The following IGF2R variants were observed in gnomAD, a reference collection of about 807,000 sequenced individuals.
IGF2R encodes the protein insulin like growth factor 2 receptor.
A neutral mutation model predicts 270.6 loss-of-function variants in IGF2R; 91 were observed. The observed-to-expected ratio is 0.34, with a 90% CI of 0.28 to 0.40. The LOEUF is 0.40. IGF2R is among the 10% of genes least tolerant of loss of function. IGF2R has a pLI of 1.00. For missense variants in IGF2R, 2,805 were observed against 3,188.3 expected, an observed-to-expected ratio of 0.88 and a Z score of 2.90; for synonymous variants, 1,316 against 1,258.9, an observed-to-expected ratio of 1.05 and a Z score of -0.96.
chr6:160,041,983 T>G (rs1461707954), intron 11 of IGF2R, among the ~76,000 whole-genome samples: 1 of 146,118 alleles, frequency 6.8e-6, no homozygotes. Context: ...TGCTGTTAGA[T>G]TCCTTAAGTT....
intron 7 of IGF2R, among the ~76,000 whole-genome samples, chr6:160,030,182 G>A (rs145748448): frequency 1.2e-3 from 176 of 152,280 alleles, no homozygotes; most frequent in African/African-American, 3.9e-3. Context: ...TAAACTCTTC[G>A]AGTGTGGCTG....
chr6:160,078,535 G>A (rs1778904839), intron 37 of IGF2R, among the ~76,000 whole-genome samples, 173 bp downstream of exon 37: 2 of 152,214 alleles, frequency 1.3e-5, no homozygotes, highest in South Asian at 4.1e-4. Context: ...GAAGGTTCTT[G>A]GATTGCGTGG....
chr6:159,976,801 G>T (rs1474305242), intron 1 of IGF2R, among the ~76,000 whole-genome samples: 1 of 151,936 alleles, frequency 6.6e-6, no homozygotes, highest in African/African-American at 2.4e-5. Flanking sequence ...TCCATTGTGC[G>T]GGTAAATGTG....
Position 160,045,781 on chromosome 6 carries a change from G to A in IGF2R, c.1802G>A (p.Gly601Glu), listed in dbSNP as rs1256911159. The A allele has an allele frequency of 6.2e-7, 1 of 1,613,960 alleles. No homozygotes were observed. Among genetic ancestry groups the A allele is most frequent in the African/African-American group, 1.3e-5 (1 of 74,888 alleles). The change falls in exon 14 of 48, where the codon GGG becomes GAG. Residue 601 changes from glycine to glutamate, a missense_variant. Transcript: ENST00000356956. ...LESAPVLRTS[G>E]EGGCFYEFEW... ...AGTGCACCAGTGTTGAGAACTTCTG[G>A]GGAAGGCGGTTGCTTTTATGAGTTT...
intron 35 of IGF2R, among the ~76,000 whole-genome samples, chr6:160,075,518 C>T (rs1778838540): frequency 6.6e-6 from 1 of 152,188 alleles, no homozygotes; most frequent in African/African-American, 2.4e-5. Context: ...GGGCTTCCCT[C>T]ATCAGCTGAT....
At chr6:160,103,070 G>A (rs767095492) in intron 46 of IGF2R, among the ~76,000 whole-genome samples, 7 of 152,164 alleles carry the variant, frequency 4.6e-5, no homozygotes, top group South Asian at 2.1e-4. Context: ...ATCCTTTTGC[G>A]CCACTTTGCT....
At chr6:159,969,847 C>A (rs1393279410) in intron 1 of IGF2R, among the ~76,000 whole-genome samples, 1 of 152,000 alleles carries the variant, frequency 6.6e-6, no homozygotes, top group Non-Finnish European at 1.5e-5. Flanking sequence ...CTCACCGGGG[C>A]GTTGGAGCCC....
rs374947035 is a variant in IGF2R at position 160,018,262 on chromosome 6, A to T, written c.514-6310A>T. Among the ~76,000 whole-genome samples, 24 of 152,298 alleles carry T rather than the reference A, an allele frequency of 1.6e-4. 2 individuals carry two copies. Among genetic ancestry groups the T allele is most frequent in the African/African-American group, 5.8e-4 (24 of 41,552 alleles). On this transcript the variant is annotated intron_variant, in intron 4 of 47. Coordinates refer to ENST00000356956, the MANE Select transcript of IGF2R (RefSeq NM_000876.4). ...AAATCAACAACAGTAAAAAAAAAGG[A>T]AAAAGATGGTCATTATATGATAAAA... is the stretch of plus-strand genomic sequence containing the variant.
Position 160,042,960 on chromosome 6 carries a change from A to T in IGF2R, c.1481-188A>T, listed in dbSNP as rs1278014043. Among the ~76,000 whole-genome samples the T allele has an allele frequency of 2.0e-5, 3 of 152,046 alleles. 1 individual carries two copies. Among genetic ancestry groups the T allele is most frequent in the Admixed American group, 1.3e-4 (2 of 15,270 alleles). ...GTTTGTTTCTGTCACATTAAATGAG[A>T]AACCTGAGAATCTCGGTGAATTTTT... On this transcript the variant is annotated intron_variant, in intron 11 of 47. Transcript: ENST00000356956.
intron 12 of IGF2R, among the ~76,000 whole-genome samples, chr6:160,043,669 T>C (rs1190893615): frequency 6.6e-6 from 1 of 152,278 alleles, no homozygotes; most frequent in African/African-American, 2.4e-5. Context: ...GAGTGAAGTG[T>C]AATCTCAGCT....
intron 4 of IGF2R, among the ~76,000 whole-genome samples, chr6:160,020,144 A>G (rs1413422828): frequency 1.3e-5 from 2 of 152,086 alleles, no homozygotes; most frequent in Non-Finnish European, 2.9e-5. Context: ...AATCAATAAC[A>G]TTTCTACACA....
At chr6:160,060,812 G>A in intron 23 of IGF2R, 95 bp downstream of exon 23, 1 of 1,178,000 alleles carries the variant, frequency 8.5e-7, no homozygotes, top group Non-Finnish European at 1.2e-6. Flanking sequence ...ATGTATATTT[G>A]TGTGTGTGTG....
rs780793160 is a variant in IGF2R at position 160,032,956 on chromosome 6, T to A, written c.1060T>A (p.Ser354Thr). Residue 354 changes from serine (S) to threonine (T), a missense_variant, in exon 9 of 48, where the codon TCA (serine) becomes ACA (threonine). Physicochemically the swap from Ser to Thr is moderately conservative, Grantham distance 58. This residue lies in a region of IGF2R where 954 missense variants were observed against 981.1 expected (regional missense o/e 0.97). Coordinates refer to ENST00000356956, the MANE Select transcript of IGF2R (RefSeq NM_000876.4). Reference sequence around the variant, plus strand: ...CCTGTTTTTAGGTTCATCCTATATTTCAGATGGAAAAGAATATTTGTTTTA... The same window carrying A: ...CCTGTTTTTAGGTTCATCCTATATTACAGATGGAAAAGAATATTTGTTTTA... ...LAQSGGSSYISDGKEYLFYLN... is the reference protein window; with the variant it reads ...LAQSGGSSYITDGKEYLFYLN... 1.9e-6 allele frequency: 3 copies of A among 1,597,392 alleles called. No individual in the cohort carries two copies. Among genetic ancestry groups the A allele is most frequent in the Middle Eastern group, 1.7e-4 (1 of 6,030 alleles).
intron 2 of IGF2R, chr6:160,003,237 CATAAG>C (rs1441756582): frequency 6.6e-6 from 1 of 152,202 alleles, no homozygotes; most frequent in Non-Finnish European, 1.5e-5. Context: ...CTCTTTGACT[CATAAG>C]ATGTGAAAAT....
intron 5 of IGF2R, among the ~76,000 whole-genome samples, chr6:160,026,253 A>G (rs1388952935): frequency 6.6e-6 from 1 of 152,240 alleles, no homozygotes; most frequent in East Asian, 1.9e-4. Flanking sequence ...GTGAAATTTC[A>G]TAATTCCACA....
intron 2 of IGF2R, among the ~76,000 whole-genome samples, chr6:160,001,626 T>C (rs1784131313): frequency 6.6e-6 from 1 of 152,138 alleles, no homozygotes; most frequent in Non-Finnish European, 1.5e-5. Context: ...GAAACAAATA[T>C]TAAGACCTCA....
Position 160,057,425 on chromosome 6 carries a change from G to C in IGF2R, c.2797-598G>C, listed in dbSNP as rs568315784. 2.6e-5 allele frequency among the ~76,000 whole-genome samples: 4 copies of C among 152,320 alleles called. No individual in the cohort carries two copies. In the South Asian group the frequency reaches 8.3e-4, roughly 32 times the overall value. On this transcript the variant is annotated intron_variant, in intron 20 of 47. Coordinates refer to ENST00000356956, the MANE Select transcript of IGF2R (RefSeq NM_000876.4). ...GCAGACTCTGGCAGCAGAGACCAAG[G>C]CTTTTCCAAACCAACGGCCCCAGCA...
At chr6:160,072,707 G>GC in intron 32 of IGF2R, 58 bp from the exon 33 acceptor site, 1 of 1,607,596 alleles carries the variant, frequency 6.2e-7, no homozygotes, top group Non-Finnish European at 8.5e-7. Flanking sequence ...CCGATGATGA[G>GC]CCTCCCAAGT....
rs113769972 is a variant in IGF2R, at chr6:159,998,518, C to G, written c.289+7195C>G. Reference sequence around the variant, plus strand: ...GGAAGGTGTTTTTAGGAAGCTGGCCCCGTGGAATAGGAAACGATGCCTACA... The same window carrying G: ...GGAAGGTGTTTTTAGGAAGCTGGCCGCGTGGAATAGGAAACGATGCCTACA... On this transcript the variant is annotated intron_variant, in intron 2 of 47. Coordinates refer to ENST00000356956, the MANE Select transcript of IGF2R (RefSeq NM_000876.4). The surrounding 1 kb of genome is among the most constrained non-coding windows in gnomAD (Gnocchi z 4.1). Among the ~76,000 whole-genome samples the G allele has an allele frequency of 2.9e-4, 44 of 152,160 alleles. 1 individual carries two copies. The highest frequency in any genetic ancestry group is 9.6e-4 in the African/African-American group (40 of 41,504).
Sources: allele counts gnomAD v4.1 joint callset (sites outside exome capture counted in the v4.1 genomes callset), GRCh38; gene constraint gnomAD v4.1.1; regional missense constraint gnomAD v4.1.1; non-coding constraint Gnocchi (gnomAD v3.1); transcripts MANE v1.5; gene names NCBI Gene and HGNC (gene_info 2026-07-23, HGNC 2026-07-21).